STX8: variants seen among roughly 807,000 people sequenced by gnomAD.
STX8 encodes syntaxin 8.
A neutral mutation model predicts 37.5 loss-of-function variants in STX8; 23 were observed. The observed-to-expected ratio is 0.61, with a 90% CI of 0.44 to 0.87. STX8 has a LOEUF of 0.87. Ranked by LOEUF, STX8 falls within the 40% of genes least tolerant of loss-of-function variation. The pLI, the probability that STX8 is intolerant of heterozygous loss-of-function variation, is 0.00. For synonymous variants in STX8, 115 were observed against 99.1 expected, an observed-to-expected ratio of 1.16 and a Z score of -0.95; for missense variants, 313 against 284.7, an observed-to-expected ratio of 1.10 and a Z score of -0.71.
chr17:9,374,272 G>A (rs1296304993), intron 7 of STX8, among the ~76,000 whole-genome samples: 2 of 152,014 alleles, frequency 1.3e-5, no homozygotes, highest in Admixed American at 1.3e-4. Flanking sequence ...AGTAGAGATG[G>A]GGTTTCACCA....
intron 2 of STX8, among the ~76,000 whole-genome samples, chr17:9,560,411 A>AAC (rs1270674151): frequency 1.5e-4 from 22 of 151,646 alleles, no homozygotes; most frequent in Non-Finnish European, 2.6e-4. Context: ...AAAAAAAAAA[A>AAC]AAAACGGTAG....
At chr17:9,413,311 A>C (rs1329349538) in intron 6 of STX8, among the ~76,000 whole-genome samples, 1 of 152,162 alleles carries the variant, frequency 6.6e-6, no homozygotes, top group African/African-American at 2.4e-5. Context: ...CAACACCCCT[A>C]CTCTGTTATT....
chr17:9,559,749 T>TAA (rs1218236770), intron 2 of STX8, among the ~76,000 whole-genome samples: 1 of 47,656 alleles, frequency 2.1e-5, no homozygotes, highest in Non-Finnish European at 3.4e-5. Flanking sequence ...TATATATATA[T>TAA]ATATATATAT....
intron 6 of STX8, among the ~76,000 whole-genome samples, chr17:9,491,469 C>G (rs1906848803): frequency 6.6e-6 from 1 of 152,192 alleles, no homozygotes; most frequent in Non-Finnish European, 1.5e-5. Context: ...CGAAGAAGAG[C>G]AAACTCCACC....
At position 9,417,908 on chromosome 17, in the gene STX8, G is replaced by A. The variant is rs549706800; in HGVS notation, c.542-39255C>T. The stretch of plus-strand genomic sequence containing the variant: ...CACGGGGACAGGAGCTCCTGTGCTG[G>A]GGACACTTCTGGACCTTGCCCTAAG... On this transcript the variant is annotated intron_variant, in intron 6 of 7. Coordinates refer to ENST00000306357, the MANE Select transcript of STX8 (RefSeq NM_004853.3). Among the ~76,000 whole-genome samples, 4 of 152,296 alleles carry A rather than the reference G, an allele frequency of 2.6e-5. No individual in the cohort carries two copies. The East Asian group carries it at 7.7e-4, about 29-fold the overall frequency.
intron 7 of STX8, among the ~76,000 whole-genome samples, chr17:9,320,698 G>T (rs2077220072): frequency 6.6e-6 from 1 of 151,586 alleles, no homozygotes; most frequent in African/African-American, 2.4e-5. Context: ...TTCAAGACTA[G>T]CCTGGCTAAC....
chr17:9,465,307 T>C (rs1905562723), intron 6 of STX8, among the ~76,000 whole-genome samples: 1 of 152,122 alleles, frequency 6.6e-6, no homozygotes, highest in African/African-American at 2.4e-5. Flanking sequence ...TTAATCATCC[T>C]GCCCAGCTGC....
chr17:9,288,487 C>T (rs1265854245), intron 7 of STX8, among the ~76,000 whole-genome samples: 6 of 151,588 alleles, frequency 4.0e-5, no homozygotes, highest in Non-Finnish European at 8.8e-5. Context: ...CGGTGAAACC[C>T]CGTCTCTACT....
intron 2 of STX8, among the ~76,000 whole-genome samples, chr17:9,562,671 T>TA: frequency 6.6e-6 from 1 of 151,984 alleles, no homozygotes; most frequent in East Asian, 1.9e-4. Context: ...CTTGACTCAT[T>TA]ATATGAGAAA....
Position 9,373,843 on chromosome 17 carries a change from G to A in STX8, c.643+4709C>T, listed in dbSNP as rs1431946058. On this transcript the variant is annotated intron_variant, in intron 7 of 7. Transcript: ENST00000306357. ...AATCCCAGCCACTCAGGAGGCTGAGGCAGGAGAATCGCTCGAACCCGGAAG... is the reference window on the plus strand; with the variant it reads ...AATCCCAGCCACTCAGGAGGCTGAGACAGGAGAATCGCTCGAACCCGGAAG... 4.6e-5 allele frequency among the ~76,000 whole-genome samples: 7 copies of A among 151,864 alleles called. No individual in the cohort carries two copies. The East Asian group carries it at 1.4e-3, about 30-fold the overall frequency.
intron 7 of STX8, among the ~76,000 whole-genome samples, chr17:9,375,266 TA>T (rs1911544304): frequency 6.6e-6 from 1 of 152,090 alleles, no homozygotes; most frequent in South Asian, 2.1e-4. Context: ...AAACGTATTT[TA>T]GTACTTCTGG....
At chr17:9,524,555 C>G (rs564000027) in intron 4 of STX8, among the ~76,000 whole-genome samples, 1 of 152,224 alleles carries the variant, frequency 6.6e-6, no homozygotes, top group Non-Finnish European at 1.5e-5. Flanking sequence ...AGATTAGGTT[C>G]TAACATATGA....
chr17:9,409,263 C>G (rs1011418708), intron 6 of STX8, among the ~76,000 whole-genome samples: 1 of 152,060 alleles, frequency 6.6e-6, no homozygotes, highest in African/African-American at 2.4e-5. Context: ...TGCCTGCAGG[C>G]GTAGAAACTA....
chr17:9,316,082 T>C (rs1376861611), intron 7 of STX8, among the ~76,000 whole-genome samples: 3 of 152,024 alleles, frequency 2.0e-5, no homozygotes, highest in African/African-American at 7.2e-5. Flanking sequence ...GATTCATCAG[T>C]TGACACCCCT....
At chr17:9,306,848 G>A (rs560502138) in intron 7 of STX8, among the ~76,000 whole-genome samples, 6 of 151,460 alleles carry the variant, frequency 4.0e-5, no homozygotes, top group South Asian at 4.2e-4. Context: ...CATTTACGCC[G>A]GGCATGGTGG....
chr17:9,279,660 C>CTAG, intron 7 of STX8, among the ~76,000 whole-genome samples: 1 of 152,194 alleles, frequency 6.6e-6, no homozygotes, highest in Non-Finnish European at 1.5e-5. Context: ...ATGGACTTCT[C>CTAG]ACTGTCTTCC....
chr17:9,323,160 C>G (rs1386291525), intron 7 of STX8, among the ~76,000 whole-genome samples: 1 of 152,026 alleles, frequency 6.6e-6, no homozygotes, highest in Non-Finnish European at 1.5e-5. Flanking sequence ...AAACAGATGC[C>G]AATGCTTTCA....
intron 4 of STX8, among the ~76,000 whole-genome samples, chr17:9,510,172 T>C (rs1041748201): frequency 3.3e-5 from 5 of 152,114 alleles, no homozygotes; most frequent in African/African-American, 1.2e-4. Context: ...TAGACTCAAA[T>C]AGAGTAATAG....
chr17:9,356,964 T>TG (rs1910900454), intron 7 of STX8, among the ~76,000 whole-genome samples: 1 of 133,682 alleles, frequency 7.5e-6, no homozygotes, highest in Non-Finnish European at 1.5e-5. Flanking sequence ...TTAACAGTTT[T>TG]TTTTTTTTTT....
Sources: allele counts gnomAD v4.1 joint callset (sites outside exome capture counted in the v4.1 genomes callset), GRCh38; gene constraint gnomAD v4.1.1; transcripts MANE v1.5; gene names NCBI Gene and HGNC (gene_info 2026-07-23, HGNC 2026-07-21).